The following MARCO variants were observed in gnomAD, a reference collection of about 807,000 sequenced individuals.
MARCO encodes the protein macrophage receptor with collagenous structure, also known as macrophage receptor MARCO.
Under a neutral mutation model 70.0 loss-of-function variants are expected in MARCO, and 72 were observed. The ratio of observed to expected loss-of-function variants is 1.03; its 90% CI spans 0.85 to 1.25. The LOEUF is 1.25. Ranked by LOEUF, MARCO falls within the 50% of genes most tolerant of loss-of-function variation. MARCO has a pLI of 0.00. For synonymous variants in MARCO, 273 were observed against 243.1 expected (o/e 1.12, Z -1.14); for missense variants, 696 against 659.3 (o/e 1.06, Z -0.61).
chr2:118,947,089 C>T (rs1229678017), intron 1 of MARCO, among the ~76,000 whole-genome samples: 2 of 152,180 alleles, frequency 1.3e-5, no homozygotes, highest in South Asian at 4.1e-4. Flanking sequence ...GTGGTTTGCA[C>T]ATATTTTCTC....
At chr2:118,958,409 A>C (rs1573381416) in intron 1 of MARCO, among the ~76,000 whole-genome samples, 1 of 67,354 alleles carries the variant, frequency 1.5e-5, no homozygotes, top group East Asian at 6.7e-4. Flanking sequence ...AATAGCTGCA[A>C]AAAAAAAAAA....
At chr2:118,973,222 CTCTG>C (rs1036321166) in intron 4 of MARCO, among the ~76,000 whole-genome samples, 4 of 152,114 alleles carry the variant, frequency 2.6e-5, no homozygotes, top group African/African-American at 9.7e-5. Flanking sequence ...ATGTCTCTCT[CTCTG>C]TCTCTCTGAA....
rs1343724023 is a variant in MARCO at position 118,960,805 on chromosome 2, C to T, written c.98-8355C>T. On this transcript the variant is annotated intron_variant, in intron 1 of 16. Coordinates refer to ENST00000327097, the MANE Select transcript of MARCO (RefSeq NM_006770.4). ...GGTTTGTTACACAGGTAAATGTATGCCATGGTGGTTTGCTGCACCCGTCAA... is the reference window on the plus strand; with the variant it reads ...GGTTTGTTACACAGGTAAATGTATGTCATGGTGGTTTGCTGCACCCGTCAA... 2.0e-5 allele frequency among the ~76,000 whole-genome samples: 3 copies of T among 152,098 alleles called. No individual in the cohort carries two copies. The East Asian group carries it at 5.8e-4, about 29-fold the overall frequency.
At chr2:118,956,570 G>T (rs1679841584) in intron 1 of MARCO, among the ~76,000 whole-genome samples, 1 of 152,090 alleles carries the variant, frequency 6.6e-6, no homozygotes, top group South Asian at 2.1e-4. Flanking sequence ...TCCACTGACA[G>T]CACAGGAGGG....
chr2:118,979,748 C>T (rs527956807), intron 8 of MARCO, among the ~76,000 whole-genome samples: 44 of 152,294 alleles, frequency 2.9e-4, no homozygotes, highest in African/African-American at 9.6e-4. Flanking sequence ...ATTTCCTCTC[C>T]CAAGATCATG....
chr2:118,986,739 A>AAAGAAAGAAAGG (rs137896575), intron 12 of MARCO, among the ~76,000 whole-genome samples: 13 of 127,216 alleles, frequency 1.0e-4, no homozygotes, highest in African/African-American at 4.2e-4. Context: ...AGAAAGAAAG[A>AAAGAAAGAAAGG]GAAAGAAAGA....
intron 8 of MARCO, among the ~76,000 whole-genome samples, chr2:118,978,502 G>A (rs986217172): frequency 6.6e-6 from 1 of 152,212 alleles, no homozygotes; most frequent in African/African-American, 2.4e-5. Flanking sequence ...GGACTTGACT[G>A]AGCATGCCAC....
At chr2:118,990,021 T>C (rs1215279892) in intron 12 of MARCO, among the ~76,000 whole-genome samples, 1 of 152,196 alleles carries the variant, frequency 6.6e-6, no homozygotes, top group Non-Finnish European at 1.5e-5. Context: ...TAACATTAAC[T>C]ACAATAGGAT....
chr2:118,962,186 T>A (rs1679962070), intron 1 of MARCO, among the ~76,000 whole-genome samples: 1 of 152,204 alleles, frequency 6.6e-6, no homozygotes, highest in African/African-American at 2.4e-5. Flanking sequence ...TGCTTAGGAT[T>A]TTCTTGGATA....
chr2:118,977,703 AT>A (rs927814210), intron 7 of MARCO, 124 bp from the exon 8 acceptor site: 1 of 846,288 alleles, frequency 1.2e-6, no homozygotes, highest in African/African-American at 1.7e-5. Context: ...GAGCTAGCAC[AT>A]CCCCCAGAGG....
At chr2:118,990,497 C>A (rs1230059446) in intron 12 of MARCO, 92 bp from the exon 13 acceptor site, 1 of 1,244,210 alleles carries the variant, frequency 8.0e-7, no homozygotes, top group African/African-American at 1.5e-5. Flanking sequence ...CTGCATTAAT[C>A]AGACAAAAGG....
chr2:118,982,488 A>T, intron 12 of MARCO, 78 bp downstream of exon 12: 1 of 1,341,944 alleles, frequency 7.5e-7, no homozygotes. Context: ...GCTTCTTCTT[A>T]GGCCCACGGA....
At chr2:118,977,747 A>G in intron 7 of MARCO, 81 bp from the exon 8 acceptor site, 1 of 1,075,210 alleles carries the variant, frequency 9.3e-7, no homozygotes, top group East Asian at 2.6e-5. Context: ...TCTCTCCCAA[A>G]TGCTTCCTGC....
At position 118,974,584 on chromosome 2, in the gene MARCO, T is replaced by G. The variant is rs200130462; in HGVS notation, c.613+19T>G. 6.2e-7 allele frequency: 1 copy of G among 1,609,362 alleles called. No homozygotes were observed. The highest frequency in any genetic ancestry group is 1.3e-5 in the African/African-American group (1 of 74,832). ...GAGGCGGGTGAGTAGGTGCTGGGTA[T>G]GTACCCAGAAATACACAGCAAGTTT... On this transcript the variant is annotated intron_variant, in intron 6 of 16. Coordinates refer to ENST00000327097, the MANE Select transcript of MARCO (RefSeq NM_006770.4).
At position 118,991,866 on chromosome 2, in the gene MARCO, G is replaced by A. The variant is rs140986899; in HGVS notation, c.1198G>A (p.Gly400Arg). 16 of 1,594,766 alleles carry A rather than the reference G, an allele frequency of 1.0e-5. No homozygotes were observed. In the African/African-American group the frequency reaches 1.9e-4, roughly 19 times the overall value. Residue 400 changes from glycine (G) to arginine (R), a missense_variant, in exon 14 of 17, where the codon GGA becomes AGA. Transcript: ENST00000327097. ...ACAAGCTGGCCAGAAGGGAGACCAG[G>A]GAGTGAAAGGTAAGGCCTCTGCATC... Reference protein sequence around the residue: ...PGQAGQKGDQGVKGSSGEQGV... With the variant: ...PGQAGQKGDQRVKGSSGEQGV...
At chr2:118,987,624 G>C (rs1437028407) in intron 12 of MARCO, among the ~76,000 whole-genome samples, 1 of 152,192 alleles carries the variant, frequency 6.6e-6, no homozygotes, top group Admixed American at 6.5e-5. Flanking sequence ...GCTGTAAGCT[G>C]GTCGCTCAAG....
At position 118,986,729 on chromosome 2, in the gene MARCO, A is replaced by AGAAAGAAAGG. The variant is rs1558672052; in HGVS notation, c.1064-3851_1064-3850insGGAAAGAAAG. Among the ~76,000 whole-genome samples, 73 of 126,256 alleles carry AGAAAGAAAGG rather than the reference A, an allele frequency of 5.8e-4. 6 individuals carry two copies. The highest frequency in any genetic ancestry group is 2.4e-3 in the African/African-American group (68 of 28,292). The allele number at this position is 126,256 out of a possible 152,430, so 82.8% of individuals were successfully genotyped here. ...AGAAAGAAAGAAAGAAAGAAAAGAAAGAAAGAAAGAGAAAGAAAGAGAAAG... is the reference window on the plus strand; with the variant it reads ...AGAAAGAAAGAAAGAAAGAAAAGAAAGAAAGAAAGGGAAAGAAAGAGAAAGAAAGAGAAAG... On this transcript the variant is annotated intron_variant, in intron 12 of 16. Coordinates refer to ENST00000327097, the MANE Select transcript of MARCO (RefSeq NM_006770.4).
In MARCO at chr2:118,986,710, AAAGAAAGAAAGAAAAG is replaced by A. The variant is rs1210834168; in HGVS notation, c.1064-3876_1064-3861del. Reference sequence around the variant, plus strand: ...GAAAGAAAGAAAGAAAGAAAGAAAGAAAGAAAGAAAGAAAAGAAAGAAAGAAAGAGAAAGAAAGAGA... The same window carrying A: ...GAAAGAAAGAAAGAAAGAAAGAAAGAAAAGAAAGAAAGAGAAAGAAAGAGA... On this transcript the variant is annotated intron_variant, in intron 12 of 16. Coordinates refer to ENST00000327097, the MANE Select transcript of MARCO (RefSeq NM_006770.4). Among the ~76,000 whole-genome samples the A allele has an allele frequency of 1.2e-4, 13 of 112,186 alleles. 2 individuals carry two copies. The highest frequency in any genetic ancestry group is 3.4e-4 in the African/African-American group (8 of 23,330). 73.6% of individuals were successfully genotyped at this position (112,186 alleles called of 152,430 possible).
rs568353613 is a variant in MARCO, at chr2:118,943,667, TC to T, written c.97+1272del. Reference sequence around the variant, plus strand: ...TCCAAAGTTTAAAGGATAAAGGGAGTCCGTTAGAGAAAGAAGTTAGTGCCTG... The same window carrying T: ...TCCAAAGTTTAAAGGATAAAGGGAGTCGTTAGAGAAAGAAGTTAGTGCCTG... On this transcript the variant is annotated intron_variant, in intron 1 of 16. Coordinates refer to ENST00000327097, the MANE Select transcript of MARCO (RefSeq NM_006770.4). 2.0e-3 allele frequency among the ~76,000 whole-genome samples: 299 copies of T among 151,960 alleles called. 1 individual carries two copies. The highest frequency in any genetic ancestry group is 6.7e-3 in the African/African-American group (276 of 41,432).
Sources: allele counts gnomAD v4.1 joint callset (sites outside exome capture counted in the v4.1 genomes callset), GRCh38; gene constraint gnomAD v4.1.1; transcripts MANE v1.5; gene names NCBI Gene and HGNC (gene_info 2026-07-23, HGNC 2026-07-21).